The following MUC5AC variants were observed in gnomAD, a reference collection of about 807,000 sequenced individuals.
The protein encoded by MUC5AC is mucin-5AC.
MUC5AC carries 158 observed loss-of-function variants against 169.7 expected under a neutral mutation model. The ratio of observed to expected loss-of-function variants is 0.93; its 90% confidence interval spans 0.82 to 1.06. The LOEUF (loss-of-function observed/expected upper bound fraction) is 1.06, where lower values mean the gene tolerates loss of function less well. MUC5AC is among the 50% of genes least tolerant of loss of function. MUC5AC has a pLI of 0.00. For synonymous variants in MUC5AC, 1,975 were observed against 1,237.0 expected, an observed-to-expected ratio of 1.60 and a Z score of -12.52; for missense variants, 4,359 against 3,089.9, an observed-to-expected ratio of 1.41 and a Z score of -9.74.
chr11:1,193,826 C>T (rs1487148701), intron 33 of MUC5AC, among the ~76,000 whole-genome samples, 167 bp downstream of exon 33: 2 of 152,242 alleles, frequency 1.3e-5, no homozygotes, highest in African/African-American at 4.8e-5. Context: ...GGCCGAGCCT[C>T]CCCGCTTAGG....
In MUC5AC at chr11:1,185,693, A is replaced by C. The variant is rs1205528558; in HGVS notation, c.7548A>C (p.Thr2516=). ...TSTTSAPTTS[T]TSASTTSTTS... Reference sequence around the variant, plus strand: ...CAACCTCTGCTCCTACAACCAGCACAACCTCTGCTTCTACAACCAGCACAA... The same window carrying C: ...CAACCTCTGCTCCTACAACCAGCACCACCTCTGCTTCTACAACCAGCACAA... Residue 2516 remains threonine, a synonymous_variant, in exon 31 of 49, where the codon ACA becomes ACC. Coordinates refer to ENST00000621226, the MANE Select transcript of MUC5AC (RefSeq NM_001304359.2). 3.6e-5 allele frequency: 27 copies of C among 742,256 alleles called. No homozygotes were observed. The highest frequency in any genetic ancestry group is 3.4e-4 in the South Asian group (24 of 71,484). 46.0% of individuals were successfully genotyped at this position (742,256 alleles called of 1,614,324 possible). A position where few individuals can be genotyped will look rare whatever the true frequency, so the allele number is the denominator to read the frequency against.
rs1483561039 is a variant in MUC5AC at position 1,164,391 on chromosome 11, T to C, written c.1004-16T>C. The C allele has an allele frequency of 6.2e-7, 1 of 1,612,076 alleles. No individual in the cohort carries two copies. The highest frequency in any genetic ancestry group is 8.5e-7 in the Non-Finnish European group (1 of 1,179,638). On this transcript the variant is annotated splice_polypyrimidine_tract_variant and intron_variant, in intron 8 of 48. Coordinates refer to ENST00000621226, the MANE Select transcript of MUC5AC (RefSeq NM_001304359.2). ...CAGGGGCAGGCAGACGTGAGCCCTC[T>C]CTCTGCCTCCCGCAGCCCAGAAGTG... is the stretch of plus-strand genomic sequence containing the variant.
Position 1,179,118 on chromosome 11 carries a change from C to T in MUC5AC, c.3354C>T (p.Ala1118=). The T allele has an allele frequency of 1.6e-6, 1 of 625,152 alleles. No individual in the cohort carries two copies. Among genetic ancestry groups the T allele is most frequent in the Non-Finnish European group, 2.9e-6 (1 of 344,520 alleles). 38.7% of individuals were successfully genotyped at this position (625,152 alleles called of 1,614,324 possible). ...TGGAGCCGGCCAGGTACTACGAGGCCTGCGTGAACGACGCGTGCGCCTGCG... is the reference window on the plus strand; with the variant it reads ...TGGAGCCGGCCAGGTACTACGAGGCTTGCGTGAACGACGCGTGCGCCTGCG... The part of the protein sequence containing the change: ...AHVEPARYYE[A]CVNDACACDS... The change falls in exon 26 of 49, where the codon GCC becomes GCT. Residue 1118 remains alanine, a synonymous_variant. Coordinates refer to ENST00000621226, the MANE Select transcript of MUC5AC (RefSeq NM_001304359.2).
rs2133712563 is a variant in MUC5AC at position 1,160,679 on chromosome 11, G to A, written c.141G>A (p.Arg47=). The A allele has an allele frequency of 6.2e-7, 1 of 1,609,820 alleles. No homozygotes were observed. The highest frequency in any genetic ancestry group is 1.1e-5 in the South Asian group (1 of 90,732). The part of the protein sequence containing the change: ...KHHPALSPIA[R]GPSGVPLRGA... ...ACCCTGCCCTCTCTCCTATCGCCCG[G>A]GGGCCCAGCGGTGAGTCTGAGTGTC... The change falls in exon 2 of 49, where the codon CGG becomes CGA. Residue 47 remains arginine (R), a synonymous_variant. Coordinates refer to ENST00000621226, the MANE Select transcript of MUC5AC (RefSeq NM_001304359.2).
intron 6 of MUC5AC, among the ~76,000 whole-genome samples, 167 bp downstream of exon 6, chr11:1,163,212 C>T (rs34207169): frequency 0.17 from 25,413 of 152,244 alleles, 2,342 homozygotes; most frequent in Non-Finnish European, 0.2. Context: ...GATCCCGCAA[C>T]GCCGGCCTGT....
At position 1,193,571 on chromosome 11, in the gene MUC5AC, G is replaced by A. The variant is rs760355835; in HGVS notation, c.14667G>A (p.Pro4889=). 2.2e-5 allele frequency: 17 copies of A among 764,778 alleles called. No homozygotes were observed. The African/African-American group carries it at 2.4e-4, about 11-fold the overall frequency. The allele number at this position is 764,778 out of a possible 1,614,324, so 47.4% of individuals were successfully genotyped here. A position where few individuals can be genotyped will look rare whatever the true frequency, so the allele number is the denominator to read the frequency against. The part of the protein sequence containing the change: ...NVISLRPRTC[P]RVEKPTCANG... ...TCTCCCTGCGCCCGCGCACGTGCCCGAGGGTGGAGAAGCCCACTTGTGCCA... is the reference window on the plus strand; with the variant it reads ...TCTCCCTGCGCCCGCGCACGTGCCCAAGGGTGGAGAAGCCCACTTGTGCCA... The change falls in exon 33 of 49, where the codon CCG becomes CCA. Residue 4889 remains proline (P), a synonymous_variant. Coordinates refer to ENST00000621226, the MANE Select transcript of MUC5AC (RefSeq NM_001304359.2).
At chr11:1,179,028 C>T (rs1432343317) in intron 25 of MUC5AC, 64 bp from the exon 26 acceptor site, 12 of 282,234 alleles carry the variant, frequency 4.3e-5, no homozygotes, top group Admixed American at 2.0e-4. Flanking sequence ...AGCATGGGCC[C>T]GGTCCCCAAG....
In MUC5AC at chr11:1,162,456, C is replaced by T. The variant is rs55633538; in HGVS notation, c.474-76C>T. On this transcript the variant is annotated intron_variant, in intron 4 of 48. Transcript: ENST00000621226. ...GGTCACGATGACCGTGTCACATTTG[C>T]GACCGCAGGCATCTGCCCTGCCTGG... is the stretch of plus-strand genomic sequence containing the variant. The T allele has an allele frequency of 6.2e-5, 83 of 1,328,504 alleles. 1 individual carries two copies. Among genetic ancestry groups the T allele is most frequent in the Middle Eastern group, 5.8e-4 (3 of 5,166 alleles). The allele number at this position is 1,328,504 out of a possible 1,614,324, so 82.3% of individuals were successfully genotyped here.
chr11:1,183,791 C>A lies in MUC5AC; in HGVS notation c.5646C>A (p.Pro1882=). 2.3e-6 allele frequency: 1 copy of A among 438,734 alleles called. No homozygotes were observed. The highest frequency in any genetic ancestry group is 4.0e-6 in the Non-Finnish European group (1 of 252,132). 27.2% of individuals were successfully genotyped at this position (438,734 alleles called of 1,614,324 possible). The change falls in exon 31 of 49, where the codon CCC becomes CCA. Residue 1882 remains proline (P), a synonymous_variant. Coordinates refer to ENST00000621226, the MANE Select transcript of MUC5AC (RefSeq NM_001304359.2). ...CCCAGGCCTCAGGCTCCTCAGCCCC[C>A]AGCAGCACACCTGGCACCGTGTCTC... is the stretch of plus-strand genomic sequence containing the variant. The part of the protein sequence containing the change: ...TETQASGSSA[P]SSTPGTVSLS...
In MUC5AC at chr11:1,199,466, G is replaced by A. The variant is rs757142974; in HGVS notation, c.16491G>A (p.Ala5497=). The change falls in exon 46 of 49, where the codon GCG becomes GCA. Residue 5497 remains alanine (A), a synonymous_variant. Coordinates refer to ENST00000621226, the MANE Select transcript of MUC5AC (RefSeq NM_001304359.2). ...DGLVVVTTKK[A]CPPLSCSLDE... ...TCGTGGTGGTCACCACGAAGAAGGC[G>A]TGCCCCCCGCTCAGCTGTTCTCTGG... 8.3e-6 allele frequency: 6 copies of A among 721,196 alleles called. No homozygotes were observed. Among genetic ancestry groups the A allele is most frequent in the African/African-American group, 3.5e-5 (2 of 57,894 alleles). 44.7% of individuals were successfully genotyped at this position (721,196 alleles called of 1,614,324 possible).
chr11:1,192,966 C>T lies in MUC5AC; in HGVS notation c.14564C>T (p.Ala4855Val), dbSNP rs772182698. 17 of 722,680 alleles carry T rather than the reference C, an allele frequency of 2.4e-5. No homozygotes were observed. Among genetic ancestry groups the T allele is most frequent in the Admixed American group, 7.5e-5 (4 of 53,576 alleles). 44.8% of individuals were successfully genotyped at this position (722,680 alleles called of 1,614,324 possible). Residue 4855 changes from alanine to valine, a missense_variant, in exon 32 of 49, where the codon GCG (alanine) becomes GTG (valine). Transcript: ENST00000621226. ...EPVTELGCPN[A>V]VPPRKKGETW... is the part of the protein sequence containing the mutation. ...GTCACTGAGCTGGGATGCCCAAATGCGGTTCCCCCCAGAAAGGTAACCCCC... is the reference window on the plus strand; with the variant it reads ...GTCACTGAGCTGGGATGCCCAAATGTGGTTCCCCCCAGAAAGGTAACCCCC...
Position 1,187,988 on chromosome 11 carries a change from T to G in MUC5AC, c.9843T>G (p.Ile3281Met), listed in dbSNP as rs1554928434. ...CCGAGAGCCACCCGGAGGTGAGCAT[T>G]GAACACCTGGGCCAGGTGGTGCAGT... ...CRAESHPEVS[I>M]EHLGQVVQCS... Residue 3281 changes from isoleucine (I) to methionine (M), a missense_variant, in exon 31 of 49, where the codon ATT (isoleucine) becomes ATG (methionine). Transcript: ENST00000621226. The G allele has an allele frequency of 5.1e-5, 38 of 747,838 alleles. No individual in the cohort carries two copies. The highest frequency in any genetic ancestry group is 4.1e-4 in the South Asian group (30 of 73,168). The allele number at this position is 747,838 out of a possible 1,614,324, so 46.3% of individuals were successfully genotyped here.
rs1204017931 is a variant in MUC5AC, at chr11:1,189,377, A to T, written c.11232A>T (p.Thr3744=). ...TSTISAPTTS[T]ISAPTTSTTS... ...CAATCTCTGCCCCTACAACCAGCAC[A>T]ATCTCTGCCCCTACAACCAGCACAA... Residue 3744 remains threonine, a synonymous_variant, in exon 31 of 49, where the codon ACA becomes ACT. Transcript: ENST00000621226. The T allele has an allele frequency of 1.2e-5, 7 of 576,146 alleles. No homozygotes were observed. Among genetic ancestry groups the T allele is most frequent in the South Asian group, 2.4e-5 (1 of 41,220 alleles). 35.7% of individuals were successfully genotyped at this position (576,146 alleles called of 1,614,324 possible).
At position 1,177,643 on chromosome 11, in the gene MUC5AC, C is replaced by G. The variant is rs923196639; in HGVS notation, c.3087+10C>G. ...CAGCCCCGAGTTCAAGGTGAGACCA[C>G]GCCCCTCGTCCAGGCCAGGGCCGGC... On this transcript the variant is annotated intron_variant, in intron 24 of 48. Coordinates refer to ENST00000621226, the MANE Select transcript of MUC5AC (RefSeq NM_001304359.2). 7 of 398,554 alleles carry G rather than the reference C, an allele frequency of 1.8e-5. No homozygotes were observed. The highest frequency in any genetic ancestry group is 3.1e-5 in the Non-Finnish European group (7 of 226,138). 24.7% of individuals were successfully genotyped at this position (398,554 alleles called of 1,614,324 possible). A position where few individuals can be genotyped will look rare whatever the true frequency, so the allele number is the denominator to read the frequency against.
Position 1,186,139 on chromosome 11 carries a change from C to T in MUC5AC, c.7994C>T (p.Thr2665Ile), listed in dbSNP as rs1467674165. The change falls in exon 31 of 49, where the codon ACC becomes ATC. Residue 2665 changes from threonine (T) to isoleucine (I), a missense_variant. Physicochemically the swap from Thr to Ile is moderately conservative, Grantham distance 89 (BLOSUM62 -1). Transcript: ENST00000621226. Reference sequence around the variant, plus strand: ...GGAACTACTCCCAGCCCTGTTCCTACCACCAGCACAATCTCTGTTCCTACC... The same window carrying T: ...GGAACTACTCCCAGCCCTGTTCCTATCACCAGCACAATCTCTGTTCCTACC... ...GPGTTPSPVP[T>I]TSTISVPTTS... is the part of the protein sequence containing the mutation. The T allele has an allele frequency of 7.9e-5, 59 of 746,050 alleles. No homozygotes were observed. The highest frequency in any genetic ancestry group is 6.4e-4 in the South Asian group (46 of 72,044). The allele number at this position is 746,050 out of a possible 1,614,324, so 46.2% of individuals were successfully genotyped here.
chr11:1,192,602 T>C, intron 31 of MUC5AC, 77 bp downstream of exon 31: 3 of 730,226 alleles, frequency 4.1e-6, no homozygotes, highest in Non-Finnish European at 7.5e-6. Flanking sequence ...CAAGCTGTGA[T>C]GATGATAGGA....
At position 1,194,815 on chromosome 11, in the gene MUC5AC, C is replaced by T. The variant is rs558769082; in HGVS notation, c.15190+145C>T. 793 of 610,466 alleles carry T rather than the reference C, an allele frequency of 1.3e-3. 1 individual carries two copies. The highest frequency in any genetic ancestry group is 7.5e-3 in the Middle Eastern group (20 of 2,650). The allele number at this position is 610,466 out of a possible 1,614,324, so 37.8% of individuals were successfully genotyped here. ...GTGCAGGCCACAGGCATGAGGCTTA[C>T]GCCTGCCGGTACCTGCAGCTCCCCA... On this transcript the variant is annotated intron_variant, in intron 35 of 48. Coordinates refer to ENST00000621226, the MANE Select transcript of MUC5AC (RefSeq NM_001304359.2).
chr11:1,185,050 C>T lies in MUC5AC; in HGVS notation c.6905C>T (p.Ser2302Phe). 1.4e-6 allele frequency: 1 copy of T among 701,810 alleles called. No homozygotes were observed. The allele number at this position is 701,810 out of a possible 1,614,324, so 43.5% of individuals were successfully genotyped here. A position where few individuals can be genotyped will look rare whatever the true frequency, so the allele number is the denominator to read the frequency against. The stretch of plus-strand genomic sequence containing the variant: ...TCTGCCTCTCCAGCCAGCACAACCT[C>T]TGGTCCTGGAAATACTCCCAGCCCT... ...TTSASPASTT[S>F]GPGNTPSPVP... The change falls in exon 31 of 49, where the codon TCT (serine) becomes TTT (phenylalanine). Residue 2302 changes from serine to phenylalanine, a missense_variant. By Grantham distance (155) the Ser-to-Phe change is radical. Coordinates refer to ENST00000621226, the MANE Select transcript of MUC5AC (RefSeq NM_001304359.2).
At position 1,191,787 on chromosome 11, in the gene MUC5AC, G is replaced by T. The variant is rs1156681316; in HGVS notation, c.13642G>T (p.Val4548Phe). The change falls in exon 31 of 49, where the codon GTT becomes TTT. Residue 4548 changes from valine (V) to phenylalanine (F), a missense_variant. Transcript: ENST00000621226. Reference protein sequence around the residue: ...TSGPGTSLSPVPTTSTTSAPT... With the variant: ...TSGPGTSLSPFPTTSTTSAPT... ...TGGTCCTGGAACTTCTCTCAGCCCT[G>T]TTCCCACCACGAGCACAACCTCTGC... is the stretch of plus-strand genomic sequence containing the variant. 2.6e-6 allele frequency: 2 copies of T among 759,870 alleles called. No homozygotes were observed. The highest frequency in any genetic ancestry group is 4.8e-6 in the Non-Finnish European group (2 of 416,254). The allele number at this position is 759,870 out of a possible 1,614,324, so 47.1% of individuals were successfully genotyped here. A position where few individuals can be genotyped will look rare whatever the true frequency, so the allele number is the denominator to read the frequency against.
Sources: allele counts gnomAD v4.1 joint callset (sites outside exome capture counted in the v4.1 genomes callset), GRCh38; gene constraint gnomAD v4.1.1; transcripts MANE v1.5; gene names NCBI Gene and HGNC (gene_info 2026-07-23, HGNC 2026-07-21).